SHC3: variants seen among roughly 807,000 people sequenced by gnomAD.
SHC3 encodes SHC adaptor protein 3.
In SHC3, 15 loss-of-function variants were observed where a neutral mutation model predicts 60.4. That is an observed-to-expected ratio of 0.25 (90% CI 0.17 to 0.38). The LOEUF (loss-of-function observed/expected upper bound fraction) is 0.38, where lower values mean the gene tolerates loss of function less well. Among genes scored for constraint, SHC3 ranks in the 10% least tolerant of loss-of-function variants. The probability of loss-of-function intolerance (pLI) is 1.00; values close to 1 mark genes in which losing one functional copy is unlikely to be tolerated. For missense variants in SHC3, 677 were observed against 786.1 expected (o/e 0.86, Z 1.66); for synonymous variants, 294 against 325.9 (o/e 0.90, Z 1.05).
rs1268715166 is a variant in SHC3, at chr9:89,178,789, C to T, written c.-329G>A. 3 of 256,484 alleles carry T rather than the reference C, an allele frequency of 1.2e-5. No individual in the cohort carries two copies. The highest frequency in any genetic ancestry group is 2.2e-5 in the Non-Finnish European group (3 of 135,586). 15.9% of individuals were successfully genotyped at this position (256,484 alleles called of 1,614,324 possible). A position where few individuals can be genotyped will look rare whatever the true frequency, so the allele number is the denominator to read the frequency against. On this transcript the variant is annotated 5_prime_UTR_variant, in exon 1 of 12. Coordinates refer to ENST00000375835, the MANE Select transcript of SHC3 (RefSeq NM_016848.6). The surrounding 1 kb of genome is among the most constrained non-coding windows in gnomAD (Gnocchi z 6.9). ...AGCATGACTCACTCTGAGAGGAGAC[C>T]CTTCTCAACAAAGGCTCGGTGAGCA...
chr9:89,112,548 G>T lies in SHC3; in HGVS notation c.545+8C>A, dbSNP rs17054735. ...AAATCACAGGAGTCCATTTTCAAGA[G>T]GGCTTACCTGGTAATTTGTGTTCTT... On this transcript the variant is annotated splice_region_variant and intron_variant, in intron 2 of 11. Coordinates refer to ENST00000375835, the MANE Select transcript of SHC3 (RefSeq NM_016848.6). 26,171 of 1,606,002 alleles carry T rather than the reference G, an allele frequency of 0.016. 292 individuals are homozygous for T. The highest frequency in any genetic ancestry group is 0.036 in the South Asian group (3,187 of 89,022).
chr9:89,103,757 G>A (rs1287797784), intron 2 of SHC3, among the ~76,000 whole-genome samples: 1 of 152,180 alleles, frequency 6.6e-6, no homozygotes, highest in East Asian at 1.9e-4. Flanking sequence ...AGATGCCATT[G>A]TGAATCCCAT....
At chr9:89,022,072 C>T (rs1012197869) in intron 11 of SHC3, among the ~76,000 whole-genome samples, 1 of 152,114 alleles carries the variant, frequency 6.6e-6, no homozygotes, top group Non-Finnish European at 1.5e-5. Flanking sequence ...GTCAGCTGGT[C>T]CTCCAGCAAA....
At chr9:89,057,565 G>A (rs1302794600) in intron 6 of SHC3, among the ~76,000 whole-genome samples, 1 of 151,980 alleles carries the variant, frequency 6.6e-6, no homozygotes, top group Non-Finnish European at 1.5e-5. Context: ...GAAAAGTTGA[G>A]GATGTCCAAA....
At chr9:89,176,659 T>G (rs187387437) in intron 1 of SHC3, among the ~76,000 whole-genome samples, 1 of 152,336 alleles carries the variant, frequency 6.6e-6, no homozygotes, top group Admixed American at 6.5e-5. Flanking sequence ...TCAGTACCTC[T>G]TAAAATAAAC....
At chr9:89,016,438 T>A (rs991858222) in intron 11 of SHC3, among the ~76,000 whole-genome samples, 10 of 152,034 alleles carry the variant, frequency 6.6e-5, no homozygotes, top group African/African-American at 1.4e-4. Flanking sequence ...AATTAAAAAA[T>A]TCCTTGAAAG....
intron 6 of SHC3, among the ~76,000 whole-genome samples, chr9:89,064,258 G>A (rs1416981571): frequency 6.6e-6 from 1 of 152,176 alleles, no homozygotes; most frequent in Non-Finnish European, 1.5e-5. Flanking sequence ...GTCCATAAGA[G>A]GGCCCCTGTG....
chr9:89,061,967 T>C (rs930224190), intron 6 of SHC3, among the ~76,000 whole-genome samples: 1 of 152,158 alleles, frequency 6.6e-6, no homozygotes, highest in Non-Finnish European at 1.5e-5. Context: ...CCCCCACAGA[T>C]AAGGGGGAAC....
chr9:89,145,783 T>C (rs76672417), intron 1 of SHC3, among the ~76,000 whole-genome samples: 9,565 of 152,242 alleles, frequency 0.063, 421 homozygotes, highest in Admixed American at 0.13. Context: ...TCCTCGGGAA[T>C]AGGGGATTAG....
At chr9:89,061,188 C>T (rs1008999568) in intron 6 of SHC3, among the ~76,000 whole-genome samples, 2 of 152,280 alleles carry the variant, frequency 1.3e-5, no homozygotes, top group East Asian at 1.9e-4. Context: ...CAGTGTCATT[C>T]GATGGCATAT....
chr9:89,046,984 G>C lies in SHC3; in HGVS notation c.973C>G (p.Leu325Val). ...IPALHDRMQS[L>V]DEPWTEEEGD... ...TCCTCTTCCGTCCATGGCTCATCCA[G>C]ACTCTGCATTCTGTTAAAGGAAGAT... is the stretch of plus-strand genomic sequence containing the variant. The change falls in exon 8 of 12, where the codon CTG becomes GTG. Residue 325 changes from leucine (L) to valine (V), a missense_variant. By Grantham distance (32) the Leu-to-Val change is conservative (BLOSUM62 1). Coordinates refer to ENST00000375835, the MANE Select transcript of SHC3 (RefSeq NM_016848.6). 2 of 1,586,734 alleles carry C rather than the reference G, an allele frequency of 1.3e-6. No individual in the cohort carries two copies. Among genetic ancestry groups the C allele is most frequent in the Middle Eastern group, 1.7e-4 (1 of 5,954 alleles).
At chr9:89,024,985 C>T (rs1025032071) in intron 11 of SHC3, among the ~76,000 whole-genome samples, 3 of 152,178 alleles carry the variant, frequency 2.0e-5, no homozygotes, top group Non-Finnish European at 2.9e-5. Context: ...ACTGCAGACG[C>T]CATGGGCTTC....
intron 6 of SHC3, among the ~76,000 whole-genome samples, chr9:89,061,878 A>T (rs1312653863): frequency 6.6e-6 from 1 of 152,292 alleles, no homozygotes; most frequent in African/African-American, 2.4e-5. Context: ...CAGTTATCAG[A>T]TCAAAAAAAC....
At chr9:89,068,483 G>A (rs1246799263) in intron 5 of SHC3, among the ~76,000 whole-genome samples, 2 of 152,078 alleles carry the variant, frequency 1.3e-5, no homozygotes, top group East Asian at 3.8e-4. Context: ...TAAATTCATG[G>A]TTACAAATCA....
chr9:89,074,304 G>A lies in SHC3; in HGVS notation c.729+805C>T, dbSNP rs147330966. ...GAGGTCCCATCCGAGCTCCAGCTCC[G>A]ATAGCCAGCCCCAGAAGCTGAGCCG... On this transcript the variant is annotated intron_variant, in intron 4 of 11. Transcript: ENST00000375835. Among the ~76,000 whole-genome samples the A allele has an allele frequency of 2.1e-3, 321 of 152,226 alleles. 3 individuals are homozygous for A. The highest frequency in any genetic ancestry group is 7.0e-3 in the African/African-American group (292 of 41,532).
At chr9:89,056,359 G>T (rs771451713) in intron 6 of SHC3, among the ~76,000 whole-genome samples, 1 of 152,090 alleles carries the variant, frequency 6.6e-6, no homozygotes, top group Non-Finnish European at 1.5e-5. Context: ...CCATTCTCCT[G>T]CCTCAGCCTC....
intron 6 of SHC3, among the ~76,000 whole-genome samples, chr9:89,058,435 T>C (rs1824993131): frequency 1.5e-5 from 2 of 133,658 alleles, no homozygotes; most frequent in Non-Finnish European, 3.2e-5. Context: ...TGGTGGAGGA[T>C]GGTGGTGGAG....
intron 1 of SHC3, among the ~76,000 whole-genome samples, chr9:89,131,330 C>A (rs1292051637): frequency 6.6e-6 from 1 of 152,152 alleles, no homozygotes; most frequent in Non-Finnish European, 1.5e-5. Flanking sequence ...ACCAGAGGTA[C>A]AAAGAAGAGC....
rs112551046 is a variant in SHC3, at chr9:89,037,892, G to A, written c.1656+101C>T. 4,545 of 1,434,984 alleles carry A rather than the reference G, an allele frequency of 3.2e-3. 27 individuals carry two copies. Among genetic ancestry groups the A allele is most frequent in the African/African-American group, 0.016 (1,142 of 71,314 alleles). The allele number at this position is 1,434,984 out of a possible 1,614,324, so 88.9% of individuals were successfully genotyped here. A position where few individuals can be genotyped will look rare whatever the true frequency, so the allele number is the denominator to read the frequency against. ...CTGGAGGACTCAGTAGGCACTTGTG[G>A]ATAGAGGTGGGAATGTGGAGGGCAT... On this transcript the variant is annotated intron_variant, in intron 11 of 11. Transcript: ENST00000375835.
Sources: gnomAD v4.1 joint callset for allele counts (sites outside exome capture counted in the v4.1 genomes callset) on GRCh38, gnomAD v4.1.1 for gene constraint, Gnocchi (gnomAD v3.1) non-coding constraint, MANE v1.5 for transcripts, NCBI Gene and HGNC (gene_info 2026-07-23, HGNC 2026-07-21) for gene names.